The following PSAT1 variants were observed in gnomAD, a reference collection of about 807,000 sequenced individuals.
PSAT1 encodes phosphoserine aminotransferase.
In PSAT1, 41 loss-of-function variants were observed where a neutral mutation model predicts 40.3. That is an observed-to-expected ratio of 1.02 (90% CI 0.79 to 1.32). PSAT1 has a LOEUF of 1.32. Among genes scored for constraint, PSAT1 ranks in the 40% most tolerant of loss-of-function variants. PSAT1 has a pLI of 0.00. For synonymous variants in PSAT1, 147 were observed against 170.5 expected, an observed-to-expected ratio of 0.86 and a Z score of 1.07; for missense variants, 406 against 455.8, an observed-to-expected ratio of 0.89 and a Z score of 0.99.
At chr9:78,313,561 CT>C (rs1269368508) in intron 6 of PSAT1, among the ~76,000 whole-genome samples, 2 of 152,194 alleles carry the variant, frequency 1.3e-5, no homozygotes, top group Non-Finnish European at 2.9e-5. Flanking sequence ...ACAAATTGTT[CT>C]GTGAATTCTA....
At chr9:78,305,419 C>A (rs1481147150) in intron 4 of PSAT1, among the ~76,000 whole-genome samples, 1 of 152,184 alleles carries the variant, frequency 6.6e-6, no homozygotes, top group Admixed American at 6.5e-5. Context: ...CTGGCCTATG[C>A]ATACTCTTCT....
intron 6 of PSAT1, among the ~76,000 whole-genome samples, chr9:78,316,229 C>T (rs567196471): frequency 1.3e-5 from 2 of 152,276 alleles, no homozygotes; most frequent in South Asian, 2.1e-4. Flanking sequence ...CTGTGCTAAG[C>T]GTTGGTCTGG....
chr9:78,307,373 G>C (rs62565624), intron 5 of PSAT1, among the ~76,000 whole-genome samples: 19,408 of 152,246 alleles, frequency 0.13, 1,331 homozygotes, highest in African/African-American at 0.15. Context: ...TGTCTTCAAG[G>C]TTCGTCCATG....
At chr9:78,315,003 C>T (rs1234766332) in intron 6 of PSAT1, among the ~76,000 whole-genome samples, 1 of 149,436 alleles carries the variant, frequency 6.7e-6, no homozygotes, top group African/African-American at 2.4e-5. Flanking sequence ...GGGGGGTGAA[C>T]AGGCTGCAGG....
At chr9:78,305,072 G>C in intron 4 of PSAT1, 132 bp downstream of exon 4, 6 of 824,578 alleles carry the variant, frequency 7.3e-6, no homozygotes, top group Non-Finnish European at 1.0e-5. Context: ...TTGGGTGGCT[G>C]TACTAGCTAA....
rs981541758 is a variant in PSAT1 at position 78,329,953 on chromosome 9, A to G, written c.*867A>G. The G allele has an allele frequency of 2.0e-5, 3 of 152,200 alleles. No individual in the cohort carries two copies. The highest frequency in any genetic ancestry group is 7.2e-5 in the African/African-American group (3 of 41,462). 9.4% of individuals were successfully genotyped at this position (152,200 alleles called of 1,614,324 possible). On this transcript the variant is annotated 3_prime_UTR_variant, in exon 9 of 9. Transcript: ENST00000376588. The stretch of plus-strand genomic sequence containing the variant: ...CTAAACATTTCTGTTAAATTACCCT[A>G]TCCTTTGTTCTCTACTGTTTTCTTT...
chr9:78,302,304 G>A (rs1374915616), intron 3 of PSAT1, among the ~76,000 whole-genome samples: 1 of 152,156 alleles, frequency 6.6e-6, no homozygotes, highest in Non-Finnish European at 1.5e-5. Flanking sequence ...TTAAACTGGT[G>A]TGAAAGAGAT....
rs376944831 is a variant in PSAT1, at chr9:78,306,372, C to T, written c.456C>T (p.Cys152=). The part of the protein sequence containing the change: ...LNPDASYVYY[C]ANETVHGVEF... ...CAGATGCCTCCTACGTGTATTATTG[C>T]GCAAATGAGACGGTGCATGGTGTGG... The change falls in exon 5 of 9, where the codon TGC becomes TGT. Residue 152 remains cysteine (C), a synonymous_variant. Transcript: ENST00000376588. The T allele has an allele frequency of 1.1e-5, 17 of 1,613,256 alleles. No individual in the cohort carries two copies. The highest frequency in any genetic ancestry group is 2.2e-5 in the South Asian group (2 of 91,048).
chr9:78,315,041 G>A (rs1174462548), intron 6 of PSAT1, among the ~76,000 whole-genome samples: 1 of 152,112 alleles, frequency 6.6e-6, no homozygotes, highest in East Asian at 1.9e-4. Context: ...TGGAAGTGAA[G>A]TGGGAATTGC....
intron 8 of PSAT1, 81 bp from the exon 9 acceptor site, chr9:78,328,900 G>T (rs1828540745): frequency 9.1e-7 from 1 of 1,103,332 alleles, no homozygotes; most frequent in East Asian, 2.4e-5. Context: ...GCAACTCTCA[G>T]GAGCCAGTGG....
At chr9:78,312,966 G>A (rs1828289459) in intron 6 of PSAT1, among the ~76,000 whole-genome samples, 1 of 152,204 alleles carries the variant, frequency 6.6e-6, no homozygotes, top group African/African-American at 2.4e-5. Context: ...CAGAGCTGGA[G>A]TCTTAGAACA....
Position 78,304,905 on chromosome 9 carries a change from T to C in PSAT1, c.362T>C (p.Ile121Thr). The change falls in exon 4 of 9, where the codon ATA becomes ACA. Residue 121 changes from isoleucine (I) to threonine (T), a missense_variant. By Grantham distance (89) the Ile-to-Thr change is moderately conservative (BLOSUM62 -1). Transcript: ENST00000376588. ...GAAGAAGCCAAGAAGTTTGGGACTA[T>C]AAATATCGTTCACCCTAAACTTGGG... is the stretch of plus-strand genomic sequence containing the variant. ...AAEEAKKFGT[I>T]NIVHPKLGSY... 1 of 1,613,086 alleles carries C rather than the reference T, an allele frequency of 6.2e-7. No homozygotes were observed. The highest frequency in any genetic ancestry group is 1.1e-5 in the South Asian group (1 of 91,032).
intron 1 of PSAT1, among the ~76,000 whole-genome samples, chr9:78,299,714 T>C (rs916588946): frequency 6.6e-6 from 1 of 152,068 alleles, no homozygotes; most frequent in Non-Finnish European, 1.5e-5. Flanking sequence ...GGTTTCACCA[T>C]GTTGGCCAAG....
rs140723816 is a variant in PSAT1 at position 78,308,467 on chromosome 9, C to G, written c.624C>G (p.Thr208=). Residue 208 remains threonine (T), a synonymous_variant, in exon 6 of 9, where the codon ACC becomes ACG. Coordinates refer to ENST00000376588, the MANE Select transcript of PSAT1 (RefSeq NM_058179.4). ...AQKNVGSAGV[T]VVIVRDDLLG... is the part of the protein sequence containing the mutation. ...AGAATGTTGGCTCTGCTGGGGTCAC[C>G]GTGGTGATTGTCCGTGATGACCTGC... 3.1e-6 allele frequency: 5 copies of G among 1,613,706 alleles called. No individual in the cohort carries two copies. In the African/African-American group the frequency reaches 6.7e-5, roughly 22 times the overall value.
At chr9:78,318,141 G>A (rs1323022366) in intron 7 of PSAT1, among the ~76,000 whole-genome samples, 1 of 152,180 alleles carries the variant, frequency 6.6e-6, no homozygotes, top group Non-Finnish European at 1.5e-5. Flanking sequence ...AAAAACAAAT[G>A]TACTTTCTGA....
chr9:78,326,809 G>A (rs1018245287), intron 7 of PSAT1, among the ~76,000 whole-genome samples: 20 of 151,138 alleles, frequency 1.3e-4, no homozygotes, highest in South Asian at 2.1e-4. Flanking sequence ...TACTGAAGTC[G>A]TCATCTGGTT....
At chr9:78,313,158 G>A (rs1277273454) in intron 6 of PSAT1, among the ~76,000 whole-genome samples, 2 of 152,184 alleles carry the variant, frequency 1.3e-5, no homozygotes, top group Non-Finnish European at 2.9e-5. Context: ...CTGAGGTCAG[G>A]AGTTCGAGAC....
Position 78,304,869 on chromosome 9 carries a change from C to T in PSAT1, c.326C>T (p.Ala109Val), listed in dbSNP as rs756099295. 2 of 1,614,050 alleles carry T rather than the reference C, an allele frequency of 1.2e-6. No individual in the cohort carries two copies. The highest frequency in any genetic ancestry group is 1.1e-5 in the South Asian group (1 of 91,080). ...TATGTGGTGACAGGAGCTTGGTCAG[C>T]TAAGGCCGCAGAAGAAGCCAAGAAG... ...ADYVVTGAWSAKAAEEAKKFG... is the reference protein window; with the variant it reads ...ADYVVTGAWSVKAAEEAKKFG... The change falls in exon 4 of 9, where the codon GCT becomes GTT. Residue 109 changes from alanine (A) to valine (V), a missense_variant. Transcript: ENST00000376588.
chr9:78,303,669 G>A (rs1255625288), intron 3 of PSAT1, among the ~76,000 whole-genome samples: 2 of 152,122 alleles, frequency 1.3e-5, no homozygotes, highest in East Asian at 3.9e-4. Flanking sequence ...AAGACCTGCT[G>A]GTTGCTTGCT....
Sources: gnomAD v4.1 joint callset for allele counts (sites outside exome capture counted in the v4.1 genomes callset) on GRCh38, gnomAD v4.1.1 for gene constraint, MANE v1.5 for transcripts, NCBI Gene and HGNC (gene_info 2026-07-23, HGNC 2026-07-21) for gene names.